Variants in FXYD7 observed in about 807,000 individuals in gnomAD.
FXYD7 encodes FXYD domain containing ion transport regulator 7, also known as FXYD domain-containing ion transport regulator 7.
In FXYD7, 7 loss-of-function variants were observed where a neutral mutation model predicts 15.3. The ratio of observed to expected loss-of-function variants is 0.46; its 90% CI spans 0.26 to 0.86. FXYD7 has a LOEUF of 0.86. Ranked by LOEUF, FXYD7 falls within the 40% of genes least tolerant of loss-of-function variation. The probability of loss-of-function intolerance (pLI) is 0.16; values close to 1 mark genes in which losing one functional copy is unlikely to be tolerated. For missense variants in FXYD7, 78 were observed against 100.6 expected (o/e 0.78, Z 0.96); for synonymous variants, 39 against 39.3 (o/e 0.99, Z 0.03).
At chr19:35,151,750 G>C (rs936742098) in intron 5 of FXYD7, 77 bp downstream of exon 5, 2 of 976,294 alleles carry the variant, frequency 2.0e-6, no homozygotes. Context: ...GGGAAGTCGC[G>C]GGGATGGACT....
At chr19:35,144,427 C>A (rs2065281234) in intron 1 of FXYD7, among the ~76,000 whole-genome samples, 1 of 152,222 alleles carries the variant, frequency 6.6e-6, no homozygotes, top group Non-Finnish European at 1.5e-5. Context: ...CACTGCTAAT[C>A]CTGCTTCTGC....
intron 1 of FXYD7, among the ~76,000 whole-genome samples, 189 bp from the exon 2 acceptor site, chr19:35,148,505 C>T (rs1600492134): frequency 6.6e-6 from 1 of 152,178 alleles, no homozygotes; most frequent in Non-Finnish European, 1.5e-5. Context: ...GGCTGGAATC[C>T]AGCTTGAGCT....
chr19:35,146,795 A>T (rs2065290246), intron 1 of FXYD7, among the ~76,000 whole-genome samples: 1 of 152,220 alleles, frequency 6.6e-6, no homozygotes, highest in Non-Finnish European at 1.5e-5. Context: ...GGAAGGTGGT[A>T]AAGATACCTC....
Position 35,144,655 on chromosome 19 carries a change from G to T in FXYD7, c.31+1291G>T, listed in dbSNP as rs114848191. ...CCGAAGCAGGGCGGGGGGTGGGGGGGGCTGCAGAGGCTGGAAGCTACCCTA... is the reference window on the plus strand; with the variant it reads ...CCGAAGCAGGGCGGGGGGTGGGGGGTGCTGCAGAGGCTGGAAGCTACCCTA... On this transcript the variant is annotated intron_variant, in intron 1 of 5. Transcript: ENST00000270310. 2.0e-3 allele frequency among the ~76,000 whole-genome samples: 289 copies of T among 145,386 alleles called. 2 individuals are homozygous for T. The Middle Eastern group carries it at 0.024, about 12-fold the overall frequency.
Position 35,143,286 on chromosome 19 carries a change from C to T in FXYD7, c.-48C>T. 1.3e-6 allele frequency: 2 copies of T among 1,499,146 alleles called. No homozygotes were observed. Among genetic ancestry groups the T allele is most frequent in the Non-Finnish European group, 1.8e-6 (2 of 1,107,928 alleles). The allele number at this position is 1,499,146 out of a possible 1,614,324, so 92.9% of individuals were successfully genotyped here. A position where few individuals can be genotyped will look rare whatever the true frequency, so the allele number is the denominator to read the frequency against. Reference sequence around the variant, plus strand: ...TCCGTCCTGCTTCCAGCTGCTGCAGCGCGCCTTCGCCGCCAAAGCATCCAG... The same window carrying T: ...TCCGTCCTGCTTCCAGCTGCTGCAGTGCGCCTTCGCCGCCAAAGCATCCAG... On this transcript the variant is annotated 5_prime_UTR_variant, in exon 1 of 6. Coordinates refer to ENST00000270310, the MANE Select transcript of FXYD7 (RefSeq NM_022006.2). This position sits in a 1 kb window ranked among gnomAD's most constrained non-coding sequence, Gnocchi z 4.3.
intron 5 of FXYD7, among the ~76,000 whole-genome samples, chr19:35,152,940 TAAAAAAAAAAA>T (rs534802680): frequency 0.024 from 2,558 of 105,926 alleles, 97 homozygotes; most frequent in African/African-American, 0.076. Flanking sequence ...TTCTTATAAC[TAAAAAAAAAAA>T]AAAAAAAAAA....
rs748301968 is a variant in FXYD7 at position 35,143,694 on chromosome 19, G to C, written c.31+330G>C. 6.6e-5 allele frequency among the ~76,000 whole-genome samples: 10 copies of C among 152,218 alleles called. No homozygotes were observed. The highest frequency in any genetic ancestry group is 1.3e-4 in the Non-Finnish European group (9 of 68,046). On this transcript the variant is annotated intron_variant, in intron 1 of 5. Transcript: ENST00000270310. This position sits in a 1 kb window ranked among gnomAD's most constrained non-coding sequence, Gnocchi z 4.3. ...AGACGGGGAAGAGATGAGCTTGCAGGGTGGGAGCGGGTGGGTCTGCGACCA... is the reference window on the plus strand; with the variant it reads ...AGACGGGGAAGAGATGAGCTTGCAGCGTGGGAGCGGGTGGGTCTGCGACCA...
At position 35,143,281 on chromosome 19, in the gene FXYD7, T is replaced by C. The variant is rs1568404298; in HGVS notation, c.-53T>C. The C allele has an allele frequency of 1.4e-6, 2 of 1,471,226 alleles. No homozygotes were observed. Among genetic ancestry groups the C allele is most frequent in the African/African-American group, 1.4e-5 (1 of 69,632 alleles). 91.1% of individuals were successfully genotyped at this position (1,471,226 alleles called of 1,614,324 possible). A position where few individuals can be genotyped will look rare whatever the true frequency, so the allele number is the denominator to read the frequency against. On this transcript the variant is annotated 5_prime_UTR_variant, in exon 1 of 6. Transcript: ENST00000270310. This position sits in a 1 kb window ranked among gnomAD's most constrained non-coding sequence, Gnocchi z 4.3. ...ATCGGTCCGTCCTGCTTCCAGCTGCTGCAGCGCGCCTTCGCCGCCAAAGCA... is the reference window on the plus strand; with the variant it reads ...ATCGGTCCGTCCTGCTTCCAGCTGCCGCAGCGCGCCTTCGCCGCCAAAGCA...
At chr19:35,152,882 G>A (rs1427893067) in intron 5 of FXYD7, among the ~76,000 whole-genome samples, 1 of 147,372 alleles carries the variant, frequency 6.8e-6, no homozygotes, top group Non-Finnish European at 1.5e-5. Flanking sequence ...AGCCTTTCTG[G>A]AGACTTGTAA....
At chr19:35,144,241 A>T (rs960012023) in intron 1 of FXYD7, among the ~76,000 whole-genome samples, 30 of 151,832 alleles carry the variant, frequency 2.0e-4, no homozygotes, top group African/African-American at 7.0e-4. Flanking sequence ...GGGCGATGGG[A>T]CCCTCCTTCC....
At chr19:35,144,006 C>T (rs959696432) in intron 1 of FXYD7, among the ~76,000 whole-genome samples, 4 of 151,700 alleles carry the variant, frequency 2.6e-5, no homozygotes, top group African/African-American at 9.7e-5. Context: ...AGAGAGATTC[C>T]CAGTGGAGGG....
chr19:35,149,870 G>A (rs2065303340), intron 2 of FXYD7, among the ~76,000 whole-genome samples: 1 of 152,178 alleles, frequency 6.6e-6, no homozygotes, highest in Non-Finnish European at 1.5e-5. Flanking sequence ...TGAGGCAGGA[G>A]GATCGCTCAA....
At chr19:35,145,078 C>A (rs2065284662) in intron 1 of FXYD7, among the ~76,000 whole-genome samples, 1 of 152,058 alleles carries the variant, frequency 6.6e-6, no homozygotes, top group Non-Finnish European at 1.5e-5. Context: ...TGGCCAGAAG[C>A]CAGTCCTGCA....
intron 1 of FXYD7, among the ~76,000 whole-genome samples, chr19:35,146,775 A>T (rs1292809929): frequency 6.6e-6 from 1 of 152,232 alleles, no homozygotes; most frequent in Non-Finnish European, 1.5e-5. Flanking sequence ...GGGGGAGATT[A>T]ACAAGGGTTG....
In FXYD7 at chr19:35,152,134, C is replaced by CAAAAAAAAAAAAAAAAAAAAAA. The variant is rs71167517; in HGVS notation, c.220+482_220+483insAAAAAAAAAAAAAAAAAAAAAA. Among the ~76,000 whole-genome samples the CAAAAAAAAAAAAAAAAAAAAAA allele has an allele frequency of 1.6e-4, 7 of 45,136 alleles. 1 individual carries two copies. The highest frequency in any genetic ancestry group is 5.2e-4 in the African/African-American group (6 of 11,512). 29.6% of individuals were successfully genotyped at this position (45,136 alleles called of 152,430 possible). ...AGCCTGGGTGATAGAGTGAGACTGT[C>CAAAAAAAAAAAAAAAAAAAAAA]AAAAAAAAAAAAAAAAAAAAAGAGG... On this transcript the variant is annotated intron_variant, in intron 5 of 5. Coordinates refer to ENST00000270310, the MANE Select transcript of FXYD7 (RefSeq NM_022006.2).
chr19:35,153,959 G>C lies in FXYD7; in HGVS notation c.*43G>C. 1.9e-6 allele frequency: 3 copies of C among 1,597,188 alleles called. No individual in the cohort carries two copies. Among genetic ancestry groups the C allele is most frequent in the Non-Finnish European group, 2.6e-6 (3 of 1,168,702 alleles). ...TCCGCTGCCGACCCTGCCTGAGCGC[G>C]GGAGCCTGAGGACCGGGTGGAGGCG... On this transcript the variant is annotated 3_prime_UTR_variant, in exon 6 of 6. Transcript: ENST00000270310.
intron 2 of FXYD7, among the ~76,000 whole-genome samples, chr19:35,150,092 T>C (rs2065304267): frequency 1.3e-5 from 2 of 152,116 alleles, no homozygotes; most frequent in Non-Finnish European, 2.9e-5. Context: ...AATTTTCATA[T>C]TTTTAGAAGA....
chr19:35,150,906 A>C (rs972153457), intron 2 of FXYD7, among the ~76,000 whole-genome samples: 1 of 152,128 alleles, frequency 6.6e-6, no homozygotes, highest in Admixed American at 6.5e-5. Context: ...CAGGCCAGCA[A>C]GACCCTAGAG....
At chr19:35,144,487 G>C (rs1057358382) in intron 1 of FXYD7, among the ~76,000 whole-genome samples, 1 of 152,166 alleles carries the variant, frequency 6.6e-6, no homozygotes, top group Non-Finnish European at 1.5e-5. Flanking sequence ...GCCCAGCAAG[G>C]GTCTCCAGCA....
Sources: gnomAD v4.1 joint callset for allele counts (sites outside exome capture counted in the v4.1 genomes callset) on GRCh38, gnomAD v4.1.1 for gene constraint, Gnocchi (gnomAD v3.1) non-coding constraint, MANE v1.5 for transcripts, NCBI Gene and HGNC (gene_info 2026-07-23, HGNC 2026-07-21) for gene names.